MAGI3: variants seen among roughly 807,000 people sequenced by gnomAD.
MAGI3 encodes the protein membrane associated guanylate kinase, WW and PDZ domain containing 3.
In MAGI3, 43 loss-of-function variants were observed where a neutral mutation model predicts 121.8. The observed-to-expected ratio is 0.35, with a 90% CI of 0.28 to 0.46. The LOEUF (loss-of-function observed/expected upper bound fraction) is 0.46, where lower values mean the gene tolerates loss of function less well. Among genes scored for constraint, MAGI3 ranks in the 20% least tolerant of loss-of-function variants. MAGI3 has a pLI of 1.00. For missense variants in MAGI3, 1,547 were observed against 1,797.3 expected, an observed-to-expected ratio of 0.86 and a Z score of 2.52; for synonymous variants, 553 against 639.3, an observed-to-expected ratio of 0.86 and a Z score of 2.04.
intron 1 of MAGI3, chr1:113,449,878 C>T (rs1281229044): frequency 4.0e-6 from 6 of 1,518,278 alleles, no homozygotes; most frequent in Middle Eastern, 1.7e-4. Flanking sequence ...GGTTTTGTGA[C>T]TTATTCTTGT....
At chr1:113,616,923 G>A (rs904120028) in intron 7 of MAGI3, among the ~76,000 whole-genome samples, 1 of 111,658 alleles carries the variant, frequency 9.0e-6, no homozygotes, top group African/African-American at 3.4e-5. Flanking sequence ...TTTTACTCTT[G>A]CCCAGGCTAG....
At chr1:113,426,977 T>C (rs2101405198) in intron 1 of MAGI3, among the ~76,000 whole-genome samples, 1 of 152,196 alleles carries the variant, frequency 6.6e-6, no homozygotes, top group Non-Finnish European at 1.5e-5. Flanking sequence ...TATGATCATA[T>C]ATATGTCTCT....
At chr1:113,587,253 A>C (rs1648427772) in intron 4 of MAGI3, among the ~76,000 whole-genome samples, 1 of 152,174 alleles carries the variant, frequency 6.6e-6, no homozygotes, top group Admixed American at 6.5e-5. Context: ...GCAGGAGTGC[A>C]GTGGTGCGAT....
Position 113,683,552 on chromosome 1 carries a change from A to G in MAGI3, c.3984A>G (p.Pro1328=), listed in dbSNP as rs759235145. The change falls in exon 21 of 21, where the codon CCA becomes CCG. Residue 1328 remains proline, a synonymous_variant. Transcript: ENST00000307546. ...CGGGCAGTAATGCTGAGCAGATCCC[A>G]GATGGGAAGGAAAAATCAGACGTCA... ...GYTGSNAEQI[P]DGKEKSDVIR... 6.2e-7 allele frequency: 1 copy of G among 1,613,892 alleles called. No homozygotes were observed. The highest frequency in any genetic ancestry group is 8.5e-7 in the Non-Finnish European group (1 of 1,179,908).
intron 9 of MAGI3, among the ~76,000 whole-genome samples, chr1:113,640,317 T>C (rs1413536871): frequency 6.6e-6 from 1 of 152,204 alleles, no homozygotes; most frequent in Non-Finnish European, 1.5e-5. Context: ...TGGAAGACAG[T>C]GTAGCAATTC....
At chr1:113,607,856 G>C (rs1649879991) in intron 6 of MAGI3, among the ~76,000 whole-genome samples, 1 of 152,046 alleles carries the variant, frequency 6.6e-6, no homozygotes, top group African/African-American at 2.4e-5. Flanking sequence ...TTTTATAATT[G>C]AATCATATTC....
chr1:113,432,170 C>T (rs1026561727), intron 1 of MAGI3, among the ~76,000 whole-genome samples: 1 of 152,144 alleles, frequency 6.6e-6, no homozygotes, highest in Non-Finnish European at 1.5e-5. Context: ...ATCTCTACTT[C>T]CCACCCTATA....
At chr1:113,645,006 T>C (rs1240589525) in intron 11 of MAGI3, among the ~76,000 whole-genome samples, 2 of 145,826 alleles carry the variant, frequency 1.4e-5, no homozygotes, top group South Asian at 2.2e-4. Context: ...TTAAAAAGAA[T>C]CCCTCAGCTT....
chr1:113,543,496 G>A (rs1282313169), intron 1 of MAGI3, among the ~76,000 whole-genome samples: 5 of 152,176 alleles, frequency 3.3e-5, no homozygotes, highest in Non-Finnish European at 4.4e-5. Context: ...AAAGAGTGCT[G>A]TATCAGTTAA....
intron 1 of MAGI3, among the ~76,000 whole-genome samples, chr1:113,426,553 CGTGTATTTTGAGGCTCT>C (rs1407823431): frequency 1.3e-5 from 2 of 152,082 alleles, no homozygotes; most frequent in African/African-American, 4.8e-5. Flanking sequence ...GGTTTTGCTT[CGTGTATTTTGAGGCTCT>C]GTTATTTGGT....
chr1:113,482,403 A>G (rs1462828643), intron 1 of MAGI3, among the ~76,000 whole-genome samples: 6 of 152,012 alleles, frequency 3.9e-5, no homozygotes, highest in African/African-American at 1.4e-4. Context: ...TCTATAACTC[A>G]GGCTGCCACA....
chr1:113,491,552 A>G (rs999788883), intron 1 of MAGI3, among the ~76,000 whole-genome samples: 2 of 152,200 alleles, frequency 1.3e-5, no homozygotes, highest in South Asian at 2.1e-4. Flanking sequence ...ATATGGAGAC[A>G]TGAAAAACCA....
chr1:113,413,331 T>G (rs1223645910), intron 1 of MAGI3, among the ~76,000 whole-genome samples: 1 of 152,200 alleles, frequency 6.6e-6, no homozygotes, highest in Non-Finnish European at 1.5e-5. Flanking sequence ...AGCTTTGTTC[T>G]TTTTGCTTAG....
chr1:113,405,878 A>G (rs1480421389), intron 1 of MAGI3, among the ~76,000 whole-genome samples: 3 of 151,974 alleles, frequency 2.0e-5, no homozygotes, highest in African/African-American at 7.3e-5. Flanking sequence ...CTCCATTGTG[A>G]GTTGTTCAGT....
At chr1:113,509,355 CTTT>C (rs763952179) in intron 1 of MAGI3, among the ~76,000 whole-genome samples, 1 of 126,646 alleles carries the variant, frequency 7.9e-6, no homozygotes, top group Non-Finnish European at 1.7e-5. Flanking sequence ...ATTATCTTTT[CTTT>C]TTTTTTTTTT....
At chr1:113,395,058 CCTTT>C (rs905028198) in intron 1 of MAGI3, among the ~76,000 whole-genome samples, 1 of 121,236 alleles carries the variant, frequency 8.2e-6, no homozygotes, top group Non-Finnish European at 1.8e-5. Flanking sequence ...TAATGCTGTG[CCTTT>C]CTTATCTCTT....
intron 1 of MAGI3, among the ~76,000 whole-genome samples, chr1:113,405,958 A>C (rs779534762): frequency 7.2e-5 from 11 of 152,086 alleles, no homozygotes; most frequent in Non-Finnish European, 1.3e-4. Flanking sequence ...TTACATATTC[A>C]GGAGCTGCTC....
At chr1:113,681,487 TATC>T (rs941867160) in intron 20 of MAGI3, 151 bp downstream of exon 20, 15 of 783,520 alleles carry the variant, frequency 1.9e-5, no homozygotes, top group East Asian at 5.7e-5. Flanking sequence ...ATAGCAGAGT[TATC>T]ATAAATAGTA....
chr1:113,450,599 T>C (rs1654430122), intron 1 of MAGI3: 1 of 1,093,554 alleles, frequency 9.1e-7, no homozygotes, highest in African/African-American at 1.5e-5. Context: ...TTTTGGAAAT[T>C]ATAGTGGACA....
Sources: gnomAD v4.1 joint callset for allele counts (sites outside exome capture counted in the v4.1 genomes callset) on GRCh38, gnomAD v4.1.1 for gene constraint, MANE v1.5 for transcripts, NCBI Gene and HGNC (gene_info 2026-07-23, HGNC 2026-07-21) for gene names.